LUZP2: variants seen among roughly 807,000 people sequenced by gnomAD.
LUZP2 encodes leucine zipper protein 2.
A neutral mutation model predicts 51.6 loss-of-function variants in LUZP2; 52 were observed. The observed-to-expected ratio is 1.01, with a 90% CI of 0.81 to 1.27. The LOEUF (loss-of-function observed/expected upper bound fraction) is 1.27. Among genes scored for constraint, LUZP2 ranks in the 50% most tolerant of loss-of-function variants. The probability of loss-of-function intolerance (pLI) is 0.00; values close to 1 mark genes in which losing one functional copy is unlikely to be tolerated. For synonymous variants in LUZP2, 154 were observed against 137.3 expected (o/e 1.12, Z -0.85); for missense variants, 436 against 395.4 (o/e 1.10, Z -0.87).
chr11:24,647,714 T>C (rs1855505942), intron 1 of LUZP2, among the ~76,000 whole-genome samples: 1 of 152,016 alleles, frequency 6.6e-6, no homozygotes, highest in East Asian at 1.9e-4. Flanking sequence ...TATCTCAAGG[T>C]TGATAGCCTT....
intron 5 of LUZP2, among the ~76,000 whole-genome samples, chr11:24,867,459 C>T (rs1193382739): frequency 6.6e-6 from 1 of 152,190 alleles, no homozygotes; most frequent in Non-Finnish European, 1.5e-5. Flanking sequence ...ATTGATCACG[C>T]TCTGCCTCTG....
chr11:24,737,388 T>G (rs1565107894), intron 3 of LUZP2, among the ~76,000 whole-genome samples: 3 of 152,042 alleles, frequency 2.0e-5, no homozygotes, highest in Non-Finnish European at 4.4e-5. Context: ...TCTATTTTGT[T>G]GTTGCTATTG....
chr11:24,898,663 G>A (rs959379519), intron 5 of LUZP2, among the ~76,000 whole-genome samples: 1 of 151,996 alleles, frequency 6.6e-6, no homozygotes, highest in East Asian at 1.9e-4. Flanking sequence ...AACCAGGGTG[G>A]GTCAGAGTGG....
intron 1 of LUZP2, among the ~76,000 whole-genome samples, chr11:24,628,662 G>T (rs953700): frequency 0.18 from 27,534 of 152,018 alleles, 3,092 homozygotes; most frequent in East Asian, 0.33. Flanking sequence ...AGGTTCAGGC[G>T]ATTCTCTTGC....
chr11:24,541,222 C>T (rs1015573383), intron 1 of LUZP2, among the ~76,000 whole-genome samples: 12 of 139,130 alleles, frequency 8.6e-5, no homozygotes, highest in African/African-American at 3.2e-4. Flanking sequence ...CATTGCACTC[C>T]AGCCTGGGGG....
At chr11:24,579,004 A>C (rs1852758980) in intron 1 of LUZP2, among the ~76,000 whole-genome samples, 2 of 152,106 alleles carry the variant, frequency 1.3e-5, no homozygotes, top group Non-Finnish European at 2.9e-5. Flanking sequence ...TTATAGAAAA[A>C]ATTTTCATTT....
chr11:24,723,065 A>T (rs1234448271), intron 1 of LUZP2, among the ~76,000 whole-genome samples: 1 of 152,202 alleles, frequency 6.6e-6, no homozygotes, highest in Admixed American at 6.5e-5. Flanking sequence ...TAATGGAAAA[A>T]GGGCAAAAGT....
rs189245143 is a variant in LUZP2 at position 24,864,963 on chromosome 11, G to A, written c.397-41028G>A. Among the ~76,000 whole-genome samples, 37 of 152,132 alleles carry A rather than the reference G, an allele frequency of 2.4e-4. No individual in the cohort carries two copies. In the East Asian group the frequency reaches 3.1e-3, roughly 13 times the overall value. On this transcript the variant is annotated intron_variant, in intron 5 of 11. Coordinates refer to ENST00000336930, the MANE Select transcript of LUZP2 (RefSeq NM_001009909.4). The stretch of plus-strand genomic sequence containing the variant: ...ATTCAGCATCTCACAATTGCATATC[G>A]GTAGAACAAGAACTTGAATACAGAA...
chr11:24,932,112 T>C (rs1018751486), intron 7 of LUZP2, among the ~76,000 whole-genome samples: 1 of 152,210 alleles, frequency 6.6e-6, no homozygotes, highest in African/African-American at 2.4e-5. Flanking sequence ...GTGATCCATC[T>C]TCAGGTCTCT....
intron 4 of LUZP2, among the ~76,000 whole-genome samples, chr11:24,749,373 G>A (rs577414220): frequency 1.3e-4 from 20 of 152,236 alleles, no homozygotes; most frequent in South Asian, 4.1e-4. Flanking sequence ...TTGGTTATAC[G>A]CCCCTGTGAT....
intron 5 of LUZP2, among the ~76,000 whole-genome samples, chr11:24,780,356 C>A (rs1352801295): frequency 6.6e-6 from 1 of 152,058 alleles, no homozygotes; most frequent in Non-Finnish European, 1.5e-5. Flanking sequence ...GTCCTGAGCA[C>A]CATATTAAGC....
In LUZP2 at chr11:24,505,659, C is replaced by G. The variant is rs561178208; in HGVS notation, c.62+8354C>G. Among the ~76,000 whole-genome samples, 168 of 152,196 alleles carry G rather than the reference C, an allele frequency of 1.1e-3. 1 individual carries two copies. Among genetic ancestry groups the G allele is most frequent in the African/African-American group, 4.0e-3 (165 of 41,552 alleles). The stretch of plus-strand genomic sequence containing the variant: ...TTGTTGATGAAGAGTTTGTGGAGCT[C>G]ATGCCTAACCTCCTTTATTACAAAC... On this transcript the variant is annotated intron_variant, in intron 1 of 11. Transcript: ENST00000336930.
rs554666367 is a variant in LUZP2, at chr11:24,766,844, C to G, written c.396+3536C>G. On this transcript the variant is annotated intron_variant, in intron 5 of 11. Coordinates refer to ENST00000336930, the MANE Select transcript of LUZP2 (RefSeq NM_001009909.4). Reference sequence around the variant, plus strand: ...TGGCGCGATCTCAGCTCACTGCAACCTCCACCTCTTGGGTTCAAGTGATAC... The same window carrying G: ...TGGCGCGATCTCAGCTCACTGCAACGTCCACCTCTTGGGTTCAAGTGATAC... 6.6e-5 allele frequency among the ~76,000 whole-genome samples: 10 copies of G among 152,328 alleles called. No homozygotes were observed. In the East Asian group the frequency reaches 1.4e-3, roughly 21 times the overall value.
In LUZP2 at chr11:24,926,236, T is replaced by TGTGTGTGTATATATATAC. The variant is rs1565118507; in HGVS notation, c.522+11721_522+11738dup. Among the ~76,000 whole-genome samples, 78 of 145,770 alleles carry TGTGTGTGTATATATATAC rather than the reference T, an allele frequency of 5.4e-4. 2 individuals are homozygous for TGTGTGTGTATATATATAC. The highest frequency in any genetic ancestry group is 2.4e-3 in the East Asian group (12 of 4,924). ...ATATATATATACGTGTATATATATA[T>TGTGTGTGTATATATATAC]GTGTGTGTATATATATACGTGTGTG... On this transcript the variant is annotated intron_variant, in intron 7 of 11. Transcript: ENST00000336930.
intron 2 of LUZP2, among the ~76,000 whole-genome samples, chr11:24,730,643 G>T (rs1298328278): frequency 6.6e-6 from 1 of 151,778 alleles, no homozygotes; most frequent in African/African-American, 2.4e-5. Flanking sequence ...TACCTTCTCA[G>T]AGGCATAGAA....
In LUZP2 at chr11:24,910,773, C is replaced by G. The variant is rs953930524; in HGVS notation, c.460-3703C>G. On this transcript the variant is annotated intron_variant, in intron 6 of 11. Coordinates refer to ENST00000336930, the MANE Select transcript of LUZP2 (RefSeq NM_001009909.4). Reference sequence around the variant, plus strand: ...GGAAATGTGGGTTTGGAGTTCTACACAGAGTCACCACCGCATCACTGCCTA... The same window carrying G: ...GGAAATGTGGGTTTGGAGTTCTACAGAGAGTCACCACCGCATCACTGCCTA... 2.6e-5 allele frequency among the ~76,000 whole-genome samples: 4 copies of G among 152,168 alleles called. 1 individual carries two copies. The South Asian group carries it at 8.3e-4, about 32-fold the overall frequency.
chr11:24,841,747 C>T (rs1202602089), intron 5 of LUZP2, among the ~76,000 whole-genome samples: 1 of 151,982 alleles, frequency 6.6e-6, no homozygotes, highest in East Asian at 1.9e-4. Context: ...TATTCTAGGC[C>T]TTGGGCCCTA....
intron 10 of LUZP2, among the ~76,000 whole-genome samples, chr11:25,069,211 A>G (rs1197161007): frequency 1.3e-5 from 2 of 151,990 alleles, no homozygotes; most frequent in African/African-American, 2.4e-5. Flanking sequence ...AATGGAAGAA[A>G]GAAAATATAA....
chr11:24,712,105 G>C (rs1857848889), intron 1 of LUZP2, among the ~76,000 whole-genome samples: 1 of 152,136 alleles, frequency 6.6e-6, no homozygotes, highest in South Asian at 2.1e-4. Context: ...TGAAATAGGA[G>C]GAAAGAGACC....
Sources: allele counts gnomAD v4.1 joint callset (sites outside exome capture counted in the v4.1 genomes callset), GRCh38; gene constraint gnomAD v4.1.1; transcripts MANE v1.5; gene names NCBI Gene and HGNC (gene_info 2026-07-23, HGNC 2026-07-21).